The following REC114 variants were observed in gnomAD, a reference collection of about 807,000 sequenced individuals.
REC114 encodes REC114 meiotic recombination protein.
A neutral mutation model predicts 31.3 loss-of-function variants in REC114; 27 were observed. That is an observed-to-expected ratio of 0.86 (90% CI 0.64 to 1.19). REC114 has a LOEUF of 1.19. Ranked by LOEUF, REC114 falls within the 50% of genes most tolerant of loss-of-function variation. The probability of loss-of-function intolerance (pLI) is 0.00; values close to 1 mark genes in which losing one functional copy is unlikely to be tolerated. For missense variants in REC114, 344 were observed against 326.9 expected (o/e 1.05, Z -0.40); for synonymous variants, 134 against 127.7 (o/e 1.05, Z -0.33).
At chr15:73,489,218 T>C (rs1207877515) in intron 2 of REC114, among the ~76,000 whole-genome samples, 1 of 149,510 alleles carries the variant, frequency 6.7e-6, no homozygotes, top group Non-Finnish European at 1.5e-5. Flanking sequence ...TTTTTTTTTT[T>C]TTTGAGACAG....
intron 1 of REC114, among the ~76,000 whole-genome samples, chr15:73,458,998 C>T (rs74328095): frequency 0.052 from 7,950 of 152,158 alleles, 526 homozygotes; most frequent in African/African-American, 0.15. Context: ...ATTCTTTGAG[C>T]CCCTGGTTGG....
At chr15:73,531,970 GA>G (rs1894090426) in intron 2 of REC114, among the ~76,000 whole-genome samples, 1 of 146,914 alleles carries the variant, frequency 6.8e-6, no homozygotes, top group Admixed American at 7.0e-5. Context: ...GCATTTCCTA[GA>G]GTTCTCCACT....
At chr15:73,532,020 C>T (rs1269483450) in intron 2 of REC114, among the ~76,000 whole-genome samples, 2 of 146,290 alleles carry the variant, frequency 1.4e-5, no homozygotes, top group African/African-American at 5.1e-5. Context: ...TTTTAGGGTA[C>T]ATGTGCACAT....
chr15:73,524,370 T>A (rs1237653836), intron 2 of REC114, among the ~76,000 whole-genome samples: 1 of 152,192 alleles, frequency 6.6e-6, no homozygotes, highest in East Asian at 1.9e-4. Flanking sequence ...AAGCCCATAG[T>A]GGCAGACAAT....
At chr15:73,490,916 T>C (rs1411425484) in intron 2 of REC114, among the ~76,000 whole-genome samples, 1 of 152,196 alleles carries the variant, frequency 6.6e-6, no homozygotes, top group African/African-American at 2.4e-5. Context: ...TTGCTGGAAA[T>C]TGATTAAATG....
At chr15:73,521,629 G>T (rs1318303995) in intron 2 of REC114, among the ~76,000 whole-genome samples, 1 of 152,016 alleles carries the variant, frequency 6.6e-6, no homozygotes, top group Non-Finnish European at 1.5e-5. Context: ...TATAATATTA[G>T]GAATGAAAAG....
intron 1 of REC114, among the ~76,000 whole-genome samples, chr15:73,460,174 A>G (rs1892971057): frequency 6.6e-6 from 1 of 152,186 alleles, no homozygotes; most frequent in Non-Finnish European, 1.5e-5. Flanking sequence ...TTATTGTGTA[A>G]CAGACATAGT....
In REC114 at chr15:73,540,534, G is replaced by C; in HGVS notation, c.299G>C (p.Arg100Pro). Residue 100 changes from arginine (R) to proline (P), a missense_variant, in exon 3 of 6, where the codon CGC becomes CCC. By Grantham distance (103) the Arg-to-Pro change is moderately radical. Transcript: ENST00000331090. ...GSKDWLKIVRRVDCLLFGTTI... is the reference protein window; with the variant it reads ...GSKDWLKIVRPVDCLLFGTTI... ...AAGGACTGGTTGAAGATTGTAAGAC[G>C]CGTGGATTGTCTGTTGTTTGGAACA... 6.2e-7 allele frequency: 1 copy of C among 1,613,914 alleles called. No individual in the cohort carries two copies. The highest frequency in any genetic ancestry group is 1.3e-5 in the African/African-American group (1 of 75,050).
intron 2 of REC114, among the ~76,000 whole-genome samples, chr15:73,491,740 A>T (rs1893451071): frequency 6.6e-6 from 1 of 152,132 alleles, no homozygotes; most frequent in Non-Finnish European, 1.5e-5. Flanking sequence ...TCTACAAAAA[A>T]AATTTAAAAA....
chr15:73,473,283 C>T (rs781661510), intron 1 of REC114, among the ~76,000 whole-genome samples: 9 of 151,626 alleles, frequency 5.9e-5, no homozygotes, highest in East Asian at 1.9e-4. Context: ...CAGCTACTCG[C>T]GAGGCTGAGG....
chr15:73,555,279 C>T (rs1370705982), intron 4 of REC114, among the ~76,000 whole-genome samples: 2 of 152,134 alleles, frequency 1.3e-5, no homozygotes, highest in Non-Finnish European at 2.9e-5. Context: ...TGAGCTCATA[C>T]CTAGTGTAGG....
intron 2 of REC114, among the ~76,000 whole-genome samples, chr15:73,537,722 T>C (rs573350223): frequency 5.6e-4 from 85 of 152,336 alleles, no homozygotes; most frequent in Non-Finnish European, 1.1e-3. Context: ...CACAAATGTT[T>C]GCACAAATTT....
chr15:73,459,285 A>G (rs1217645533), intron 1 of REC114, among the ~76,000 whole-genome samples: 3 of 150,924 alleles, frequency 2.0e-5, no homozygotes, highest in African/African-American at 4.9e-5. Flanking sequence ...ACTGGAGTAC[A>G]GTGGTGCAAT....
intron 2 of REC114, among the ~76,000 whole-genome samples, chr15:73,501,030 C>A (rs1035883903): frequency 6.6e-6 from 1 of 151,936 alleles, no homozygotes; most frequent in East Asian, 1.9e-4. Context: ...GCTCAAAGGC[C>A]TTGTTTGGGA....
At chr15:73,488,585 A>G (rs924095119) in intron 2 of REC114, among the ~76,000 whole-genome samples, 1 of 152,250 alleles carries the variant, frequency 6.6e-6, no homozygotes, top group African/African-American at 2.4e-5. Context: ...GGACACAAAC[A>G]CAATTCAACC....
chr15:73,515,047 C>G (rs1893838960), intron 2 of REC114, among the ~76,000 whole-genome samples: 1 of 151,730 alleles, frequency 6.6e-6, no homozygotes, highest in Admixed American at 6.6e-5. Context: ...TCAAGTGATC[C>G]TCCTGCCTCA....
At chr15:73,550,407 A>G (rs1894371014) in intron 3 of REC114, among the ~76,000 whole-genome samples, 1 of 152,226 alleles carries the variant, frequency 6.6e-6, no homozygotes, top group Non-Finnish European at 1.5e-5. Context: ...GGCCTCTTTA[A>G]GGATAAAGGG....
intron 3 of REC114, 81 bp from the exon 4 acceptor site, chr15:73,550,857 A>G: frequency 7.4e-7 from 1 of 1,346,794 alleles, no homozygotes; most frequent in Non-Finnish European, 1.1e-6. Flanking sequence ...CGCCAAGCAA[A>G]GGAAACACTC....
chr15:73,445,608 C>CCT (rs941887430), intron 1 of REC114, among the ~76,000 whole-genome samples: 1 of 152,080 alleles, frequency 6.6e-6, no homozygotes, highest in Non-Finnish European at 1.5e-5. Context: ...TTTCCTTTCA[C>CCT]CTTAACACTT....
Sources: gnomAD v4.1 joint callset for allele counts (sites outside exome capture counted in the v4.1 genomes callset) on GRCh38, gnomAD v4.1.1 for gene constraint, MANE v1.5 for transcripts, NCBI Gene and HGNC (gene_info 2026-07-23, HGNC 2026-07-21) for gene names.